The following PIK3C2G variants were observed in gnomAD, a reference collection of about 807,000 sequenced individuals.
PIK3C2G encodes phosphatidylinositol 3-kinase C2 domain-containing subunit gamma.
A neutral mutation model predicts 181.1 loss-of-function variants in PIK3C2G; 168 were observed. The observed-to-expected ratio is 0.93, with a 90% CI of 0.82 to 1.05. PIK3C2G has a LOEUF of 1.05. PIK3C2G is among the 50% of genes least tolerant of loss of function. The probability of loss-of-function intolerance (pLI) is 0.00; values close to 1 mark genes in which losing one functional copy is unlikely to be tolerated. For synonymous variants in PIK3C2G, 573 were observed against 592.2 expected (o/e 0.97, Z 0.47); for missense variants, 1,869 against 1,732.8 (o/e 1.08, Z -1.40).
At chr12:18,470,594 AT>A (rs1938364856) in intron 18 of PIK3C2G, among the ~76,000 whole-genome samples, 1 of 152,120 alleles carries the variant, frequency 6.6e-6, no homozygotes, top group South Asian at 2.1e-4. Context: ...TCTCAAACCT[AT>A]TTGACCTATT....
At chr12:18,257,227 T>G (rs900475526), upstream of PIK3C2G, among the ~76,000 whole-genome samples, 4 of 152,162 alleles carry the variant, frequency 2.6e-5, no homozygotes, top group African/African-American at 9.7e-5. Context: ...TGTGACCAGT[T>G]GAAACTCTAT....
downstream of PIK3C2G, among the ~76,000 whole-genome samples, chr12:18,649,937 C>T (rs988591353): frequency 4.6e-5 from 7 of 152,064 alleles, no homozygotes; most frequent in Non-Finnish European, 1.0e-4. Flanking sequence ...ACCTCCAGTG[C>T]TGGAGTGTCC....
intron 15 of PIK3C2G, among the ~76,000 whole-genome samples, chr12:18,396,217 T>C (rs1456296326): frequency 6.6e-6 from 1 of 151,610 alleles, no homozygotes; most frequent in Non-Finnish European, 1.5e-5. Flanking sequence ...TTAAACATTT[T>C]ATATATAAGC....
At chr12:18,267,566 T>G (rs1948557001) in intron 1 of PIK3C2G, among the ~76,000 whole-genome samples, 1 of 152,156 alleles carries the variant, frequency 6.6e-6, no homozygotes. Flanking sequence ...ATAAATAATG[T>G]CTGCAGCTTA....
the PIK3C2G span, among the ~76,000 whole-genome samples, chr12:18,709,173 T>C: frequency 6.6e-6 from 1 of 152,154 alleles, no homozygotes; most frequent in Non-Finnish European, 1.5e-5. Flanking sequence ...TTTTTATCCA[T>C]TTTAACATGA....
chr12:18,273,648 T>A (rs1433903171), intron 1 of PIK3C2G, among the ~76,000 whole-genome samples: 2 of 152,080 alleles, frequency 1.3e-5, no homozygotes, highest in Admixed American at 6.6e-5. Context: ...TATACAAAAA[T>A]TAATTTAAGA....
At chr12:18,623,004 C>A (rs1948931367) in intron 31 of PIK3C2G, among the ~76,000 whole-genome samples, 1 of 151,606 alleles carries the variant, frequency 6.6e-6, no homozygotes, top group South Asian at 2.1e-4. Flanking sequence ...TGTCTCTTTG[C>A]GTTGTTTATT....
chr12:18,258,012 T>C (rs1238063820), upstream of PIK3C2G, among the ~76,000 whole-genome samples: 10 of 152,208 alleles, frequency 6.6e-5, no homozygotes, highest in Non-Finnish European at 8.8e-5. Context: ...AGTGTCATTT[T>C]TAGATTTTCA....
At chr12:18,356,944 TCAGGCC>T (rs1003568595) in intron 11 of PIK3C2G, among the ~76,000 whole-genome samples, 8 of 152,064 alleles carry the variant, frequency 5.3e-5, no homozygotes, top group African/African-American at 1.9e-4. Flanking sequence ...ACTTTAGGCT[TCAGGCC>T]CAGGCTTGAG....
At chr12:18,584,184 T>G (rs1172533995) in intron 29 of PIK3C2G, among the ~76,000 whole-genome samples, 1 of 151,688 alleles carries the variant, frequency 6.6e-6, no homozygotes, top group East Asian at 1.9e-4. Flanking sequence ...CCCGCCACTG[T>G]GCCCAGCTAA....
At chr12:18,530,159 A>G (rs192592149) in intron 24 of PIK3C2G, among the ~76,000 whole-genome samples, 5 of 152,268 alleles carry the variant, frequency 3.3e-5, no homozygotes, top group African/African-American at 1.2e-4. Flanking sequence ...GCAGATGACC[A>G]TACTTACTTT....
chr12:18,479,459 T>C (rs900468643), intron 18 of PIK3C2G, among the ~76,000 whole-genome samples: 1 of 152,146 alleles, frequency 6.6e-6, no homozygotes, highest in Non-Finnish European at 1.5e-5. Context: ...TTACTCCACC[T>C]GCATGAATCA....
At chr12:18,347,812 T>A (rs970151967) in intron 11 of PIK3C2G, among the ~76,000 whole-genome samples, 5 of 151,384 alleles carry the variant, frequency 3.3e-5, no homozygotes, top group African/African-American at 1.2e-4. Flanking sequence ...AGTGAGACTC[T>A]GTCTCAAAAA....
intron 26 of PIK3C2G, among the ~76,000 whole-genome samples, chr12:18,554,563 G>T (rs1944902084): frequency 6.6e-6 from 1 of 152,028 alleles, no homozygotes; most frequent in Non-Finnish European, 1.5e-5. Flanking sequence ...GAATAAAAGT[G>T]CATAGAAATG....
chr12:18,413,517 T>C (rs1182592411), intron 16 of PIK3C2G, among the ~76,000 whole-genome samples: 1 of 152,134 alleles, frequency 6.6e-6, no homozygotes, highest in African/African-American at 2.4e-5. Context: ...TATTGACCTT[T>C]ATCTTTTTTA....
chr12:18,401,791 A>G (rs1181300390), intron 16 of PIK3C2G, among the ~76,000 whole-genome samples: 1 of 152,292 alleles, frequency 6.6e-6, no homozygotes, highest in Admixed American at 6.5e-5. Context: ...TTAAGGAAAT[A>G]AAAATGAAAA....
At chr12:18,364,259 G>T (rs926147918) in intron 12 of PIK3C2G, among the ~76,000 whole-genome samples, 2 of 152,166 alleles carry the variant, frequency 1.3e-5, no homozygotes, top group African/African-American at 4.8e-5. Context: ...GAGAAGTCAG[G>T]CCTCTGCCAG....
intron 18 of PIK3C2G, among the ~76,000 whole-genome samples, chr12:18,430,148 A>C (rs1946072995): frequency 6.6e-6 from 1 of 152,210 alleles, no homozygotes; most frequent in Admixed American, 6.5e-5. Context: ...CCTGACCTAC[A>C]ATAAGTATTT....
At chr12:18,259,558 G>A (rs1333924189), upstream of PIK3C2G, among the ~76,000 whole-genome samples, 6 of 151,930 alleles carry the variant, frequency 3.9e-5, no homozygotes, top group East Asian at 9.6e-4. Flanking sequence ...AGAGTGGGGG[G>A]AAATAAGCCT....
Sources: gnomAD v4.1 joint callset for allele counts (sites outside exome capture counted in the v4.1 genomes callset) on GRCh38, gnomAD v4.1.1 for gene constraint, MANE v1.5 for transcripts, NCBI Gene and HGNC (gene_info 2026-07-23, HGNC 2026-07-21) for gene names.